Variants in HARS1 observed in about 807,000 individuals in gnomAD.
HARS1 encodes histidine--tRNA ligase, cytoplasmic.
HARS1 carries 45 observed loss-of-function variants against 63.6 expected under a neutral mutation model. The ratio of observed to expected loss-of-function variants is 0.71; its 90% CI spans 0.56 to 0.91. The LOEUF is 0.91. Among genes scored for constraint, HARS1 ranks in the 40% least tolerant of loss-of-function variants. The pLI, the probability that HARS1 is intolerant of heterozygous loss-of-function variation, is 0.00. For synonymous variants in HARS1, 205 were observed against 247.1 expected (o/e 0.83, Z 1.60); for missense variants, 508 against 643.2 (o/e 0.79, Z 2.27).
intron 2 of HARS1, among the ~76,000 whole-genome samples, chr5:140,685,518 G>A (rs914196845): frequency 2.0e-5 from 3 of 151,416 alleles, no homozygotes; most frequent in Admixed American, 6.6e-5. Flanking sequence ...TCAAGAGATC[G>A]AGACTATCCT....
chr5:140,690,895 G>A lies in HARS1; in HGVS notation c.140C>T (p.Pro47Leu), dbSNP rs755343236. 1 of 1,610,644 alleles carries A rather than the reference G, an allele frequency of 6.2e-7. No individual in the cohort carries two copies. The highest frequency in any genetic ancestry group is 1.1e-5 in the South Asian group (1 of 91,014). ...CACAAATTTCTGTTTGCTTTCATCA[G>A]GACCCAGCTGTGCCTTCAGTTTCAG... ...KLLKLKAQLG[P>L]DESKQKFVLK... The change falls in exon 2 of 13, where the codon CCT becomes CTT. Residue 47 changes from proline (P) to leucine (L), a missense_variant. This residue lies in a region of HARS1 where 105 missense variants were observed against 94.5 expected (regional missense o/e 1.11). Coordinates refer to ENST00000504156, the MANE Select transcript of HARS1 (RefSeq NM_002109.6).
chr5:140,674,853 G>A (rs1758266278), intron 11 of HARS1, 28 bp from the exon 12 acceptor site: 2 of 1,613,084 alleles, frequency 1.2e-6, no homozygotes, highest in Non-Finnish European at 1.7e-6. Flanking sequence ...AGAAGATGAA[G>A]GCTGGCTTCT....
In HARS1 at chr5:140,675,011, C is replaced by T. The variant is rs1413835695; in HGVS notation, c.1311+6G>A. 1 of 1,591,942 alleles carries T rather than the reference C, an allele frequency of 6.3e-7. No individual in the cohort carries two copies. The highest frequency in any genetic ancestry group is 1.7e-5 in the Admixed American group (1 of 59,982). ...TTGCTGCCACCCTGGGGCTTGCCTC[C>T]CATACCTTGATCCCAGCATCCCACA... is the stretch of plus-strand genomic sequence containing the variant. On this transcript the variant is annotated splice_donor_region_variant and intron_variant, in intron 11 of 12. Transcript: ENST00000504156.
intron 7 of HARS1, 91 bp downstream of exon 7, chr5:140,677,564 A>T: frequency 1.9e-6 from 2 of 1,072,944 alleles, no homozygotes; most frequent in Non-Finnish European, 2.9e-6. Flanking sequence ...GTGGGTATAG[A>T]GGCATGCACC....
intron 2 of HARS1, chr5:140,687,765 G>A (rs1014274181): frequency 1.3e-5 from 2 of 152,148 alleles, no homozygotes; most frequent in Non-Finnish European, 2.9e-5. Context: ...TGTGCCTTCA[G>A]TGCAAATGTT....
chr5:140,687,154 G>A (rs996164348), intron 2 of HARS1, among the ~76,000 whole-genome samples: 2 of 152,182 alleles, frequency 1.3e-5, no homozygotes, highest in Non-Finnish European at 2.9e-5. Flanking sequence ...TTGGCGTGCA[G>A]AAGTGCTTTA....
At chr5:140,677,448 C>T in intron 7 of HARS1, 28 bp from the exon 8 acceptor site, 1 of 1,540,890 alleles carries the variant, frequency 6.5e-7, no homozygotes, top group South Asian at 1.1e-5. Flanking sequence ...AGTCAGGGAC[C>T]CCTGGGCAGC....
At position 140,678,067 on chromosome 5, in the gene HARS1, G is replaced by A. The variant is rs750833277; in HGVS notation, c.523-52C>T. The A allele has an allele frequency of 3.2e-5, 30 of 938,784 alleles. No individual in the cohort carries two copies. The East Asian group carries it at 7.2e-4, about 23-fold the overall frequency. 58.2% of individuals were successfully genotyped at this position (938,784 alleles called of 1,614,324 possible). On this transcript the variant is annotated intron_variant, in intron 5 of 12. Coordinates refer to ENST00000504156, the MANE Select transcript of HARS1 (RefSeq NM_002109.6). The stretch of plus-strand genomic sequence containing the variant: ...CTTCAGGGATTCACCTTTCTGAAGG[G>A]GGGACTCTGGGAGCTCTGTCCTCTA...
At chr5:140,686,195 A>C (rs1759017406) in intron 2 of HARS1, among the ~76,000 whole-genome samples, 1 of 151,216 alleles carries the variant, frequency 6.6e-6, no homozygotes, top group Non-Finnish European at 1.5e-5. Flanking sequence ...TGCTTCCCAA[A>C]GTGCTTGGAT....
In HARS1 at chr5:140,677,642, C is replaced by T. The variant is rs752983799; in HGVS notation, c.729+13G>A. 6.4e-7 allele frequency: 1 copy of T among 1,569,310 alleles called. No individual in the cohort carries two copies. On this transcript the variant is annotated intron_variant, in intron 7 of 12. Transcript: ENST00000504156. ...GGGATCTGGGAAAAGAAGTCAAGTACTTGGGTTGTTACCTTGTCCAGCTTG... is the reference window on the plus strand; with the variant it reads ...GGGATCTGGGAAAAGAAGTCAAGTATTTGGGTTGTTACCTTGTCCAGCTTG...
Position 140,679,388 on chromosome 5 carries a change from G to A in HARS1, c.397-261C>T. ...GCATGGCAAGGGGCTGGGCAGGTTG[G>A]CCACAGACCAGAAAAAGGCGACCAG... On this transcript the variant is annotated intron_variant, in intron 4 of 12. Transcript: ENST00000504156. This position sits in a 1 kb window ranked among gnomAD's most constrained non-coding sequence, Gnocchi z 4.3. 2.3e-6 allele frequency: 1 copy of A among 431,842 alleles called. No individual in the cohort carries two copies. Among genetic ancestry groups the A allele is most frequent in the Non-Finnish European group, 4.1e-6 (1 of 243,118 alleles). The allele number at this position is 431,842 out of a possible 1,614,324, so 26.8% of individuals were successfully genotyped here. A position where few individuals can be genotyped will look rare whatever the true frequency, so the allele number is the denominator to read the frequency against.
chr5:140,677,844 A>G, intron 6 of HARS1, 64 bp downstream of exon 6: 1 of 1,392,092 alleles, frequency 7.2e-7, no homozygotes, highest in African/African-American at 1.4e-5. Context: ...GTCCCTCTGC[A>G]CAAGGATCTT....
In HARS1 at chr5:140,677,430, C is replaced by G. The variant is rs1581505929; in HGVS notation, c.730-10G>C. The G allele has an allele frequency of 1.2e-6, 2 of 1,600,646 alleles. No individual in the cohort carries two copies. Among genetic ancestry groups the G allele is most frequent in the Non-Finnish European group, 1.7e-6 (2 of 1,167,814 alleles). ...CCTCTTCCCAGGACACCTAGGCAGA[C>G]AGACACCAGTCAGGGACCCCTGGGC... On this transcript the variant is annotated splice_polypyrimidine_tract_variant and intron_variant, in intron 7 of 12. Transcript: ENST00000504156.
Position 140,676,892 on chromosome 5 carries a change from G to A in HARS1, c.956C>T (p.Ser319Phe), listed in dbSNP as rs910919096. The A allele has an allele frequency of 2.5e-6, 4 of 1,613,024 alleles. No homozygotes were observed. The African/African-American group carries it at 5.3e-5, about 22-fold the overall frequency. ...LTLFGIDDKISFDLSLARGLD... is the reference protein window; with the variant it reads ...LTLFGIDDKIFFDLSLARGLD... ...CCCTCGAGCAAGGCTCAGGTCAAAGGAGATCTGTGGAGATAAGAAAATGGT... is the reference window on the plus strand; with the variant it reads ...CCCTCGAGCAAGGCTCAGGTCAAAGAAGATCTGTGGAGATAAGAAAATGGT... The change falls in exon 10 of 13, where the codon TCC becomes TTC. Residue 319 changes from serine to phenylalanine, a missense_variant. This residue lies in a region of HARS1 where 403 missense variants were observed against 548.7 expected (regional missense o/e 0.73). Coordinates refer to ENST00000504156, the MANE Select transcript of HARS1 (RefSeq NM_002109.6). This position sits in a 1 kb window ranked among gnomAD's most constrained non-coding sequence, Gnocchi z 4.1.
rs550071095 is a variant in HARS1 at position 140,673,907 on chromosome 5, C to G, written c.*350G>C. The G allele has an allele frequency of 7.2e-6, 4 of 558,910 alleles. No homozygotes were observed. The African/African-American group carries it at 7.5e-5, about 11-fold the overall frequency. The allele number at this position is 558,910 out of a possible 1,614,324, so 34.6% of individuals were successfully genotyped here. On this transcript the variant is annotated 3_prime_UTR_variant, in exon 13 of 13. Transcript: ENST00000504156. ...AGGCATCACTGACACACGCAGACTCCGTGGTTGAGGCATTTTATTGGACCT... is the reference window on the plus strand; with the variant it reads ...AGGCATCACTGACACACGCAGACTCGGTGGTTGAGGCATTTTATTGGACCT...
intron 3 of HARS1, among the ~76,000 whole-genome samples, chr5:140,680,877 A>G (rs2149829654): frequency 6.6e-6 from 1 of 151,738 alleles, no homozygotes; most frequent in South Asian, 2.1e-4. Context: ...TTCAATATCT[A>G]ATATTTAGGT....
chr5:140,674,239 TCTGATAGTTTGTTCAGTTCAG>T lies in HARS1; in HGVS notation c.1527_*17del. 1.3e-6 allele frequency: 2 copies of T among 1,524,924 alleles called. No homozygotes were observed. 94.5% of individuals were successfully genotyped at this position (1,524,924 alleles called of 1,614,324 possible). On this transcript the variant is annotated stop_lost and 3_prime_UTR_variant, in exon 13 of 13. Coordinates refer to ENST00000504156, the MANE Select transcript of HARS1 (RefSeq NM_002109.6). ...ATAGTGCCAGTCCCACTTCCTTTCC[TCTGATAGTTTGTTCAGTTCAG>T]CAGATGCAGAGGGGCTGGCCTGTTC...
Position 140,679,220 on chromosome 5 carries a change from A to T in HARS1, c.397-93T>A. 7.9e-7 allele frequency: 1 copy of T among 1,260,210 alleles called. No individual in the cohort carries two copies. Among genetic ancestry groups the T allele is most frequent in the East Asian group, 2.3e-5 (1 of 42,632 alleles). The allele number at this position is 1,260,210 out of a possible 1,614,324, so 78.1% of individuals were successfully genotyped here. A position where few individuals can be genotyped will look rare whatever the true frequency, so the allele number is the denominator to read the frequency against. ...AGAAGCTGGGGTCTAACCCCTCCCT[A>T]TGTGGGTAAAACTGCCACCCATAAG... On this transcript the variant is annotated intron_variant, in intron 4 of 12. Transcript: ENST00000504156. This position sits in a 1 kb window ranked among gnomAD's most constrained non-coding sequence, Gnocchi z 4.3.
chr5:140,681,517 A>G (rs1242756574), intron 3 of HARS1, among the ~76,000 whole-genome samples: 1 of 152,076 alleles, frequency 6.6e-6, no homozygotes, highest in Non-Finnish European at 1.5e-5. Context: ...AAAATAGAAA[A>G]ATTAGCCAGG....
Sources: gnomAD v4.1 joint callset for allele counts (sites outside exome capture counted in the v4.1 genomes callset) on GRCh38, gnomAD v4.1.1 for gene constraint, gnomAD v4.1.1 regional missense constraint, Gnocchi (gnomAD v3.1) non-coding constraint, MANE v1.5 for transcripts, NCBI Gene and HGNC (gene_info 2026-07-23, HGNC 2026-07-21) for gene names.